Variants in PRRC2C observed in about 807,000 individuals in gnomAD.
PRRC2C encodes protein PRRC2C.
A neutral mutation model predicts 317.2 loss-of-function variants in PRRC2C; 72 were observed. The ratio of observed to expected loss-of-function variants is 0.23; its 90% CI spans 0.19 to 0.28. The LOEUF is 0.28. PRRC2C is among the 10% of genes least tolerant of loss of function. The pLI, the probability that PRRC2C is intolerant of heterozygous loss-of-function variation, is 1.00. For synonymous variants in PRRC2C, 1,296 were observed against 1,205.9 expected (o/e 1.07, Z -1.55); for missense variants, 3,074 against 3,459.7 (o/e 0.89, Z 2.80).
intron 30 of PRRC2C, among the ~76,000 whole-genome samples, chr1:171,586,543 G>GTATTTTATTTTATGT (rs1650037514): frequency 7.6e-6 from 1 of 132,198 alleles, no homozygotes; most frequent in Admixed American, 7.6e-5. Flanking sequence ...TGTGTTCTAT[G>GTATTTTATTTTATGT]TATTTTATTT....
chr1:171,530,270 G>A (rs1365905294), intron 11 of PRRC2C, among the ~76,000 whole-genome samples: 1 of 95,304 alleles, frequency 1.0e-5, no homozygotes, highest in Non-Finnish European at 2.0e-5. Flanking sequence ...TTTTTTTTGC[G>A]CAACAGAGTC....
At chr1:171,524,057 A>C (rs1674103718) in intron 9 of PRRC2C, among the ~76,000 whole-genome samples, 1 of 151,938 alleles carries the variant, frequency 6.6e-6, no homozygotes, top group African/African-American at 2.4e-5. Context: ...AGATATTTAG[A>C]TGCTTGGCAC....
chr1:171,501,290 C>T (rs1443366632), intron 1 of PRRC2C, among the ~76,000 whole-genome samples: 1 of 152,078 alleles, frequency 6.6e-6, no homozygotes, highest in Non-Finnish European at 1.5e-5. Context: ...GCCACAATGC[C>T]CTGTTAATTT....
At chr1:171,571,688 G>A (rs973636961) in intron 24 of PRRC2C, among the ~76,000 whole-genome samples, 1 of 152,058 alleles carries the variant, frequency 6.6e-6, no homozygotes, top group Admixed American at 6.5e-5. Context: ...TTCCATGTTT[G>A]TGTTAAGTTC....
chr1:171,511,949 G>C (rs1318967221), intron 1 of PRRC2C, 83 bp from the exon 2 acceptor site: 7 of 517,976 alleles, frequency 1.4e-5, no homozygotes, highest in Middle Eastern at 6.6e-4. Flanking sequence ...TCATTGATAT[G>C]GGAAGTTTTT....
intron 17 of PRRC2C, among the ~76,000 whole-genome samples, chr1:171,546,358 A>G (rs1167103429): frequency 6.6e-6 from 1 of 152,274 alleles, no homozygotes; most frequent in East Asian, 1.9e-4. Context: ...AGTTAAGACC[A>G]GATAGCTCAA....
At chr1:171,565,621 T>C (rs974610684) in intron 20 of PRRC2C, among the ~76,000 whole-genome samples, 2 of 152,212 alleles carry the variant, frequency 1.3e-5, no homozygotes, top group Admixed American at 6.5e-5. Context: ...CTAGTTTTTG[T>C]ATTTTTAGTA....
chr1:171,520,226 G>C (rs1673297685), intron 6 of PRRC2C, among the ~76,000 whole-genome samples: 1 of 152,298 alleles, frequency 6.6e-6, no homozygotes. Context: ...GCCTCCCAAA[G>C]TGCTGGGATT....
At chr1:171,547,914 A>C (rs556226897) in intron 17 of PRRC2C, among the ~76,000 whole-genome samples, 1 of 152,094 alleles carries the variant, frequency 6.6e-6, no homozygotes, top group East Asian at 1.9e-4. Flanking sequence ...TGGCCTCCCA[A>C]AGTGCTGGGA....
At position 171,566,315 on chromosome 1, in the gene PRRC2C, A is replaced by G; in HGVS notation, c.6200A>G (p.Glu2067Gly). ...GGTGCTCCAGCCTCAAATGGAAATG[A>G]AAATGAAGTTGTTCCTGTGCTTTCG... ...QFGAPASNGN[E>G]NEVVPVLSEK... is the part of the protein sequence containing the mutation. The change falls in exon 21 of 35, where the codon GAA (glutamate) becomes GGA (glycine). Residue 2067 changes from glutamate (E) to glycine (G), a missense_variant. By Grantham distance (98) the Glu-to-Gly change is moderately conservative. Coordinates refer to ENST00000647382, the MANE Select transcript of PRRC2C (RefSeq NM_001387844.1). The G allele has an allele frequency of 6.2e-7, 1 of 1,608,064 alleles. No individual in the cohort carries two copies. Among genetic ancestry groups the G allele is most frequent in the Non-Finnish European group, 8.5e-7 (1 of 1,177,146 alleles).
intron 18 of PRRC2C, among the ~76,000 whole-genome samples, chr1:171,550,489 G>GT (rs1679989331): frequency 7.1e-6 from 1 of 141,844 alleles, no homozygotes; most frequent in Non-Finnish European, 1.5e-5. Context: ...TTTAAATACT[G>GT]TAAGTTCTAG....
At chr1:171,539,293 C>G (rs1470575342) in intron 15 of PRRC2C, among the ~76,000 whole-genome samples, 1 of 152,246 alleles carries the variant, frequency 6.6e-6, no homozygotes, top group Non-Finnish European at 1.5e-5. Flanking sequence ...GCGTGAGCCA[C>G]CGCACCCGGC....
At position 171,557,390 on chromosome 1, in the gene PRRC2C, A is replaced by G. The variant is rs1681651879; in HGVS notation, c.5278A>G (p.Thr1760Ala). The part of the protein sequence containing the change: ...PLASAPLPPS[T>A]SASVPASTSA... The stretch of plus-strand genomic sequence containing the variant: ...AGCTTCGGCTCCACTTCCACCTTCA[A>G]CCTCAGCTTCAGTTCCAGCCTCAAC... Residue 1760 changes from threonine (T) to alanine (A), a missense_variant, in exon 19 of 35, where the codon ACC (threonine) becomes GCC (alanine). This residue lies in a region of PRRC2C where 640 missense variants were observed against 676.1 expected (regional missense o/e 0.95). Coordinates refer to ENST00000647382, the MANE Select transcript of PRRC2C (RefSeq NM_001387844.1). 2 of 1,551,258 alleles carry G rather than the reference A, an allele frequency of 1.3e-6. No homozygotes were observed. Among genetic ancestry groups the G allele is most frequent in the African/African-American group, 1.4e-5 (1 of 72,894 alleles).
intron 17 of PRRC2C, among the ~76,000 whole-genome samples, chr1:171,545,952 A>G (rs910448283): frequency 6.6e-6 from 1 of 152,198 alleles, no homozygotes; most frequent in Admixed American, 6.5e-5. Flanking sequence ...TGTTCTTCCA[A>G]AAAAGAGGAA....
In PRRC2C at chr1:171,587,012, C is replaced by G; in HGVS notation, c.7759C>G (p.Pro2587Ala). 6.2e-7 allele frequency: 1 copy of G among 1,602,392 alleles called. No individual in the cohort carries two copies. ...SPSALQQVTV[P>A]LPASQLSLPN... ...TTTACTTATTTTCTAGGTTACAGTACCTTTACCAGCATCGCAGCTTTCCTT... is the reference window on the plus strand; with the variant it reads ...TTTACTTATTTTCTAGGTTACAGTAGCTTTACCAGCATCGCAGCTTTCCTT... Residue 2587 changes from proline to alanine, a missense_variant, in exon 31 of 35, where the codon CCT (proline) becomes GCT (alanine). This residue lies in a region of PRRC2C where 490 missense variants were observed against 663.1 expected (regional missense o/e 0.74). Coordinates refer to ENST00000647382, the MANE Select transcript of PRRC2C (RefSeq NM_001387844.1).
At chr1:171,530,362 G>T (rs2102409635) in intron 11 of PRRC2C, among the ~76,000 whole-genome samples, 1 of 146,062 alleles carries the variant, frequency 6.8e-6, no homozygotes, top group East Asian at 2.1e-4. Context: ...TCCTGCCTCA[G>T]CCTACCAAGT....
intron 16 of PRRC2C, among the ~76,000 whole-genome samples, chr1:171,544,439 T>C (rs941218590): frequency 2.6e-5 from 4 of 152,208 alleles, no homozygotes; most frequent in African/African-American, 9.7e-5. Flanking sequence ...CATGAACTTT[T>C]GAGGGATATG....
In PRRC2C at chr1:171,514,611, A is replaced by G. The variant is rs376415865; in HGVS notation, c.366A>G (p.Ser122=). Residue 122 remains serine (S), a synonymous_variant, in exon 4 of 35, where the codon TCA becomes TCG. Transcript: ENST00000647382. ...APPEVAPAPK[S]WASNKQGGQG... is the part of the protein sequence containing the mutation. ...CAGAAGTAGCACCTGCTCCCAAATC[A>G]TGGGCCAGTAACAAGCAAGGTGGGC... The G allele has an allele frequency of 7.1e-6, 11 of 1,559,746 alleles. No homozygotes were observed. The highest frequency in any genetic ancestry group is 4.1e-5 in the African/African-American group (3 of 73,370).
chr1:171,560,275 T>G (rs952062988), intron 19 of PRRC2C, among the ~76,000 whole-genome samples: 9 of 152,180 alleles, frequency 5.9e-5, no homozygotes, highest in Non-Finnish European at 1.2e-4. Flanking sequence ...GTGGAGGAAA[T>G]AACTCTGACG....
Sources: allele counts gnomAD v4.1 joint callset (sites outside exome capture counted in the v4.1 genomes callset), GRCh38; gene constraint gnomAD v4.1.1; regional missense constraint gnomAD v4.1.1; transcripts MANE v1.5; gene names NCBI Gene and HGNC (gene_info 2026-07-23, HGNC 2026-07-21).